Variants in RECQL5 observed in about 807,000 individuals in gnomAD.
RECQL5 encodes the protein RecQ like helicase 5, also known as ATP-dependent DNA helicase Q5.
A neutral mutation model predicts 103.4 loss-of-function variants in RECQL5; 88 were observed. The ratio of observed to expected loss-of-function variants is 0.85; its 90% CI spans 0.72 to 1.02. RECQL5 has a LOEUF of 1.02. Among genes scored for constraint, RECQL5 ranks in the 50% least tolerant of loss-of-function variants. The pLI is 0.00. For synonymous variants in RECQL5, 552 were observed against 507.9 expected (o/e 1.09, Z -1.17); for missense variants, 1,232 against 1,284.3 (o/e 0.96, Z 0.62).
intron 8 of RECQL5, among the ~76,000 whole-genome samples, chr17:75,632,499 C>G (rs754696183): frequency 3.9e-5 from 6 of 152,264 alleles, no homozygotes; most frequent in Non-Finnish European, 4.4e-5. Flanking sequence ...TATGTCCCAT[C>G]ATCAACCCGT....
chr17:75,662,578 G>A lies in RECQL5; in HGVS notation c.672C>T (p.Asn224=), dbSNP rs1325226939. The A allele has an allele frequency of 6.2e-7, 1 of 1,614,186 alleles. No individual in the cohort carries two copies. The change falls in exon 4 of 20, where the codon AAC becomes AAT. Residue 224 remains asparagine, a synonymous_variant. Transcript: ENST00000317905. ...AIFKTPCFRA[N]LFYDVQFKEL... Reference sequence around the variant, plus strand: ...CCTTGAATTGCACATCATAGAAGAGGTTGGCCCGGAAGCAGGGAGTCTTGA... The same window carrying A: ...CCTTGAATTGCACATCATAGAAGAGATTGGCCCGGAAGCAGGGAGTCTTGA...
At chr17:75,646,001 G>C (rs533538770) in intron 8 of RECQL5, among the ~76,000 whole-genome samples, 2 of 152,188 alleles carry the variant, frequency 1.3e-5, no homozygotes, top group East Asian at 3.9e-4. Context: ...TGGCCATAGC[G>C]GGCCCTCACA....
intron 8 of RECQL5, among the ~76,000 whole-genome samples, chr17:75,645,197 G>T (rs369054735): frequency 6.6e-6 from 1 of 152,228 alleles, no homozygotes; most frequent in East Asian, 1.9e-4. Flanking sequence ...TTTACAAAAT[G>T]TCCCTGATGT....
chr17:75,640,641 T>C lies in RECQL5; in HGVS notation c.1230-8973A>G. 6.9e-7 allele frequency: 1 copy of C among 1,445,588 alleles called. No homozygotes were observed. Among genetic ancestry groups the C allele is most frequent in the Non-Finnish European group, 9.2e-7 (1 of 1,091,964 alleles). 89.5% of individuals were successfully genotyped at this position (1,445,588 alleles called of 1,614,324 possible). A position where few individuals can be genotyped will look rare whatever the true frequency, so the allele number is the denominator to read the frequency against. On this transcript the variant is annotated intron_variant, in intron 8 of 19. Transcript: ENST00000317905. The surrounding 1 kb of genome is among the most constrained non-coding windows in gnomAD (Gnocchi z 4.6). The stretch of plus-strand genomic sequence containing the variant: ...GCCCTGGCGGCTGGCATGGGGACCG[T>C]CCGCACCTCTCACCAGCCTCTCGGA...
chr17:75,650,221 G>A lies in RECQL5; in HGVS notation c.1229+965C>T, dbSNP rs11871186. On this transcript the variant is annotated intron_variant, in intron 8 of 19. Transcript: ENST00000317905. ...CAAGGGTGGTCCTGGCACTGCAGCCGACCACTTTTGCTGGGCGTGGTCTTG... is the reference window on the plus strand; with the variant it reads ...CAAGGGTGGTCCTGGCACTGCAGCCAACCACTTTTGCTGGGCGTGGTCTTG... 2.3e-3 allele frequency: 2,298 copies of A among 989,904 alleles called. 33 individuals carry two copies. The African/African-American group carries it at 0.035, about 15-fold the overall frequency. 61.3% of individuals were successfully genotyped at this position (989,904 alleles called of 1,614,324 possible).
In RECQL5 at chr17:75,628,745, T is replaced by A. The variant is rs771802016; in HGVS notation, c.2507A>T (p.Asp836Val). ...RERPSTCPPR[D>V]QGTPEVQPTP... is the part of the protein sequence containing the mutation. ...GGGCTGGACTTCAGGGGTGCCCTGG[T>A]CTCTGGGCGGGCAGGTGCTGGTAGA... Residue 836 changes from aspartate to valine, a missense_variant, in exon 17 of 20, where the codon GAC becomes GTC. By Grantham distance (152) the Asp-to-Val change is radical (BLOSUM62 -3). Coordinates refer to ENST00000317905, the MANE Select transcript of RECQL5 (RefSeq NM_004259.7). 5.0e-5 allele frequency: 79 copies of A among 1,592,366 alleles called. No individual in the cohort carries two copies. Among genetic ancestry groups the A allele is most frequent in the Non-Finnish European group, 6.4e-5 (75 of 1,174,830 alleles).
At chr17:75,634,350 G>A in intron 8 of RECQL5, 1 of 704,974 alleles carries the variant, frequency 1.4e-6, no homozygotes, top group Non-Finnish European at 1.7e-6. Flanking sequence ...AAGTCAGCCA[G>A]CCTCCTGCAC....
At chr17:75,649,716 C>A in intron 8 of RECQL5, 5 of 985,508 alleles carry the variant, frequency 5.1e-6, no homozygotes, top group Non-Finnish European at 6.0e-6. Flanking sequence ...CCAATACAGA[C>A]ATACCAGCAG....
chr17:75,628,464 G>C (rs1229344974), intron 17 of RECQL5, 22 bp from the exon 18 acceptor site: 3 of 1,608,898 alleles, frequency 1.9e-6, no homozygotes, highest in Non-Finnish European at 1.7e-6. Context: ...CACAGCAGAG[G>C]GTCACTCCTG....
intron 8 of RECQL5, among the ~76,000 whole-genome samples, chr17:75,646,977 T>C (rs2059496150): frequency 6.6e-6 from 1 of 152,210 alleles, no homozygotes; most frequent in African/African-American, 2.4e-5. Flanking sequence ...TCCCAAATGT[T>C]TGGCAGTTGG....
intron 3 of RECQL5, among the ~76,000 whole-genome samples, chr17:75,663,537 C>T (rs1334218985): frequency 6.6e-6 from 1 of 152,058 alleles, no homozygotes; most frequent in East Asian, 1.9e-4. Flanking sequence ...GATTTTGGAG[C>T]ATTTCAGATT....
rs144509226 is a variant in RECQL5 at position 75,640,557 on chromosome 17, G to A, written c.1230-8889C>T. Among the ~76,000 whole-genome samples, 3 of 152,298 alleles carry A rather than the reference G, an allele frequency of 2.0e-5. No homozygotes were observed. The highest frequency in any genetic ancestry group is 6.5e-5 in the Admixed American group (1 of 15,300). On this transcript the variant is annotated intron_variant, in intron 8 of 19. Coordinates refer to ENST00000317905, the MANE Select transcript of RECQL5 (RefSeq NM_004259.7). The surrounding 1 kb of genome is among the most constrained non-coding windows in gnomAD (Gnocchi z 4.6). ...AGCAGTACCCCGGGATCCCAAACGC[G>A]GGGATGACGGGAGCCAGGCTTGGGC... is the stretch of plus-strand genomic sequence containing the variant.
chr17:75,635,841 C>A, intron 8 of RECQL5: 8 of 985,494 alleles, frequency 8.1e-6, no homozygotes, highest in Non-Finnish European at 9.6e-6. Context: ...CTGCTGCCAG[C>A]CCTTCCTCGT....
In RECQL5 at chr17:75,658,471, C is replaced by T. The variant is rs568335312; in HGVS notation, c.987-11G>A. 1 of 1,612,386 alleles carries T rather than the reference C, an allele frequency of 6.2e-7. No individual in the cohort carries two copies. The highest frequency in any genetic ancestry group is 1.7e-5 in the Admixed American group (1 of 59,936). ...CAATGGGCGACAAACCTGTAGGATC[C>T]AAAGGGACAAGCAGCATGAGATGGT... On this transcript the variant is annotated splice_polypyrimidine_tract_variant and intron_variant, in intron 6 of 19. Transcript: ENST00000317905.
rs139218523 is a variant in RECQL5 at position 75,631,907 on chromosome 17, G to A, written c.1230-239C>T. ...GTCACGTAACACATGGGGGTCTCCCGGGAAGCAGGATGTGAACCCCACTCT... is the reference window on the plus strand; with the variant it reads ...GTCACGTAACACATGGGGGTCTCCCAGGAAGCAGGATGTGAACCCCACTCT... On this transcript the variant is annotated intron_variant, in intron 8 of 19. Coordinates refer to ENST00000317905, the MANE Select transcript of RECQL5 (RefSeq NM_004259.7). Among the ~76,000 whole-genome samples, 814 of 152,364 alleles carry A rather than the reference G, an allele frequency of 5.3e-3. 8 individuals are homozygous for A. Among genetic ancestry groups the A allele is most frequent in the African/African-American group, 0.018 (769 of 41,584 alleles).
intron 7 of RECQL5, among the ~76,000 whole-genome samples, chr17:75,655,950 G>A (rs1262428700): frequency 2.0e-5 from 3 of 152,184 alleles, no homozygotes; most frequent in African/African-American, 7.2e-5. Context: ...CCAAAGTGCT[G>A]GGATTACAGG....
intron 2 of RECQL5, among the ~76,000 whole-genome samples, chr17:75,665,735 G>GATGATT (rs1472279112): frequency 6.6e-6 from 1 of 151,796 alleles, no homozygotes; most frequent in African/African-American, 2.4e-5. Flanking sequence ...CTGTGATATG[G>GATGATT]ATGATTGAAC....
intron 8 of RECQL5, chr17:75,635,932 C>T (rs993701212): frequency 1.1e-6 from 1 of 888,032 alleles, no homozygotes. Flanking sequence ...GTCTGGCCTG[C>T]GGGATGCCTG....
chr17:75,635,954 G>C, intron 8 of RECQL5: 1 of 648,126 alleles, frequency 1.5e-6, no homozygotes. Context: ...CTGTTGCAAG[G>C]CTCCGTGTGC....
Sources: allele counts gnomAD v4.1 joint callset (sites outside exome capture counted in the v4.1 genomes callset), GRCh38; gene constraint gnomAD v4.1.1; non-coding constraint Gnocchi (gnomAD v3.1); transcripts MANE v1.5; gene names NCBI Gene and HGNC (gene_info 2026-07-23, HGNC 2026-07-21).